Variants in MYBPC1 observed in about 807,000 individuals in gnomAD.
MYBPC1 encodes myosin-binding protein C, slow-type.
In MYBPC1, 52 loss-of-function variants were observed where a neutral mutation model predicts 147.1. The observed-to-expected ratio is 0.35, with a 90% CI of 0.28 to 0.45. The LOEUF is 0.45. MYBPC1 is among the 20% of genes least tolerant of loss of function. MYBPC1 has a pLI of 1.00. For synonymous variants in MYBPC1, 477 were observed against 475.9 expected (o/e 1.00, Z -0.03); for missense variants, 1,228 against 1,440.3 (o/e 0.85, Z 2.39).
intron 29 of MYBPC1, among the ~76,000 whole-genome samples, chr12:101,682,226 T>C (rs1051560487): frequency 5.3e-5 from 8 of 152,174 alleles, no homozygotes; most frequent in Non-Finnish European, 8.8e-5. Context: ...GTACCACTTA[T>C]TTATGCTTTG....
In MYBPC1 at chr12:101,598,574, T is replaced by C. The variant is rs34426388; in HGVS notation, c.25+3479T>C. ...TTAACTGGATTCCTTTAATTTTTTA[T>C]TTATTTTTTATCTTTTTGAGAAAAG... On this transcript the variant is annotated intron_variant, in intron 1 of 31. Coordinates refer to ENST00000361466, the MANE Select transcript of MYBPC1 (RefSeq NM_002465.4). Among the ~76,000 whole-genome samples, 271 of 152,282 alleles carry C rather than the reference T, an allele frequency of 1.8e-3. 1 individual carries two copies. Among genetic ancestry groups the C allele is most frequent in the Non-Finnish European group, 3.1e-3 (213 of 68,024 alleles).
At chr12:101,631,281 A>T (rs1889829458) in intron 6 of MYBPC1, among the ~76,000 whole-genome samples, 1 of 152,232 alleles carries the variant, frequency 6.6e-6, no homozygotes, top group Non-Finnish European at 1.5e-5. Context: ...ATGTCCATAT[A>T]TATGAAATAA....
intron 1 of MYBPC1, among the ~76,000 whole-genome samples, chr12:101,613,393 C>A (rs1884955671): frequency 6.6e-6 from 1 of 152,212 alleles, no homozygotes; most frequent in African/African-American, 2.4e-5. Flanking sequence ...CTGACAAAGG[C>A]TCCCAGGATT....
chr12:101,680,104 A>G (rs1300118545), intron 28 of MYBPC1, among the ~76,000 whole-genome samples: 1 of 152,230 alleles, frequency 6.6e-6, no homozygotes, highest in African/African-American at 2.4e-5. Context: ...ATTTGAGAAG[A>G]TTGCCCTAGA....
At chr12:101,649,793 A>AAG (rs1008964261) in intron 15 of MYBPC1, among the ~76,000 whole-genome samples, 2 of 152,226 alleles carry the variant, frequency 1.3e-5, no homozygotes, top group Admixed American at 1.3e-4. Context: ...TTGGCATGAG[A>AAG]AGAAAGTAAT....
chr12:101,606,237 A>ACACACACAC (rs1565882756), intron 1 of MYBPC1, among the ~76,000 whole-genome samples: 4 of 123,458 alleles, frequency 3.2e-5, no homozygotes, highest in African/African-American at 1.4e-4. Context: ...CACACACACA[A>ACACACACAC]GAATGCACAA....
chr12:101,651,287 G>C lies in MYBPC1; in HGVS notation c.1420G>C (p.Glu474Gln). ...LTDQTVNLGK[E>Q]ICLKCEISEN... ...TGATCAGACTGTAAATCTTGGAAAA[G>C]AAATCTGCCTGAAGTGTGAAATCTC... is the stretch of plus-strand genomic sequence containing the variant. The change falls in exon 16 of 32, where the codon GAA becomes CAA. Residue 474 changes from glutamate to glutamine, a missense_variant. By Grantham distance (29) the Glu-to-Gln change is conservative. Transcript: ENST00000361466. 2 of 1,614,068 alleles carry C rather than the reference G, an allele frequency of 1.2e-6. No individual in the cohort carries two copies. The highest frequency in any genetic ancestry group is 1.7e-6 in the Non-Finnish European group (2 of 1,179,978).
chr12:101,677,457 G>A, intron 27 of MYBPC1, 63 bp downstream of exon 27: 2 of 1,588,584 alleles, frequency 1.3e-6, no homozygotes, highest in Non-Finnish European at 1.7e-6. Flanking sequence ...AGAGAAGACT[G>A]GAAAAAGAGA....
chr12:101,628,970 T>C (rs1593767632), intron 5 of MYBPC1: 2 of 224,686 alleles, frequency 8.9e-6, no homozygotes, highest in African/African-American at 4.5e-5. Context: ...GGCTTGGCTT[T>C]CTGACCCTTG....
intron 9 of MYBPC1, among the ~76,000 whole-genome samples, chr12:101,635,782 A>C (rs2136107484): frequency 6.6e-6 from 1 of 152,320 alleles, no homozygotes; most frequent in Admixed American, 6.5e-5. Flanking sequence ...CTGTTTTTAA[A>C]CCCACAGACT....
chr12:101,692,809 G>A, the MYBPC1 span, among the ~76,000 whole-genome samples: 1 of 152,120 alleles, frequency 6.6e-6, no homozygotes, highest in African/African-American at 2.4e-5. Context: ...AGTGGGGTAA[G>A]GTAGAAGAAA....
intron 15 of MYBPC1, among the ~76,000 whole-genome samples, chr12:101,650,080 T>C (rs1894099267): frequency 6.6e-6 from 1 of 152,254 alleles, no homozygotes. Flanking sequence ...ATACATTCCT[T>C]ATGCTTTATG....
Position 101,594,982 on chromosome 12 carries a change from C to A in MYBPC1, c.-89C>A. On this transcript the variant is annotated 5_prime_UTR_variant, in exon 1 of 32. In the 5' UTR this introduces an upstream ATG that the reference lacks. Transcript: ENST00000361466. ...CTCCCCAACTGCTTGTCACACCGAC[C>A]TGCACCATCTCTCGCCTGCCTGTGG... The A allele has an allele frequency of 7.7e-7, 1 of 1,301,728 alleles. No individual in the cohort carries two copies. Among genetic ancestry groups the A allele is most frequent in the Non-Finnish European group, 1.1e-6 (1 of 899,932 alleles). The allele number at this position is 1,301,728 out of a possible 1,614,324, so 80.6% of individuals were successfully genotyped here.
chr12:101,627,724 C>G (rs2136001597), intron 4 of MYBPC1, 45 bp from the exon 5 acceptor site: 1 of 1,604,814 alleles, frequency 6.2e-7, no homozygotes, highest in South Asian at 1.1e-5. Flanking sequence ...CATTTTCATC[C>G]CCTTTCCACC....
At chr12:101,650,699 T>C (rs1565958218) in intron 15 of MYBPC1, 1 of 172,138 alleles carries the variant, frequency 5.8e-6, no homozygotes. Flanking sequence ...CAGCGACATA[T>C]TTTTTAAAAT....
At chr12:101,647,523 T>G (rs1473253852) in intron 13 of MYBPC1, among the ~76,000 whole-genome samples, 1 of 152,220 alleles carries the variant, frequency 6.6e-6, no homozygotes, top group Non-Finnish European at 1.5e-5. Context: ...GTGAAAAAAT[T>G]GGGAGAATTT....
At chr12:101,657,610 C>T (rs1464773056) in intron 18 of MYBPC1, among the ~76,000 whole-genome samples, 2 of 152,138 alleles carry the variant, frequency 1.3e-5, no homozygotes, top group African/African-American at 4.8e-5. Context: ...GGACCAACTC[C>T]TTGAAAGATA....
intron 16 of MYBPC1, 150 bp from the exon 17 acceptor site, chr12:101,652,527 TC>T: frequency 1.5e-5 from 4 of 265,692 alleles, no homozygotes; most frequent in African/African-American, 7.8e-5. Context: ...CTTCTCATCC[TC>T]TCTCTCTCTC....
At chr12:101,613,613 C>T (rs1460712424) in intron 1 of MYBPC1, among the ~76,000 whole-genome samples, 1 of 152,176 alleles carries the variant, frequency 6.6e-6, no homozygotes, top group Non-Finnish European at 1.5e-5. Flanking sequence ...ATGCTATGCT[C>T]TTTGTTCATG....
Sources: allele counts gnomAD v4.1 joint callset (sites outside exome capture counted in the v4.1 genomes callset), GRCh38; gene constraint gnomAD v4.1.1; transcripts MANE v1.5; gene names NCBI Gene and HGNC (gene_info 2026-07-23, HGNC 2026-07-21).